PTPRD: variants seen among roughly 807,000 people sequenced by gnomAD.
PTPRD encodes the protein protein tyrosine phosphatase receptor type D, also known as receptor-type tyrosine-protein phosphatase delta.
A neutral mutation model predicts 214.5 loss-of-function variants in PTPRD; 34 were observed. That is an observed-to-expected ratio of 0.16 (90% confidence interval 0.12 to 0.21). The LOEUF (loss-of-function observed/expected upper bound fraction) is 0.21. Among genes scored for constraint, PTPRD ranks in the 10% least tolerant of loss-of-function variants. The pLI is 1.00. For synonymous variants in PTPRD, 1,128 were observed against 845.7 expected, an observed-to-expected ratio of 1.33 and a Z score of -5.79; for missense variants, 2,545 against 2,398.7, an observed-to-expected ratio of 1.06 and a Z score of -1.27.
intron 5 of PTPRD, among the ~76,000 whole-genome samples, chr9:9,866,773 A>G (rs963122546): frequency 1.3e-5 from 2 of 152,114 alleles, no homozygotes; most frequent in African/African-American, 4.8e-5. Context: ...AATATGTTAT[A>G]TTTATAAAAT....
In PTPRD at chr9:10,501,095, GT is replaced by G. The variant is rs36072042; in HGVS notation, c.-600+111302del. Among the ~76,000 whole-genome samples the G allele has an allele frequency of 7.9e-5, 12 of 151,872 alleles. No individual in the cohort carries two copies. In the South Asian group the frequency reaches 2.3e-3, roughly 29 times the overall value. On this transcript the variant is annotated intron_variant, in intron 2 of 45. Coordinates refer to ENST00000381196, the MANE Select transcript of PTPRD (RefSeq NM_002839.4). ...GTATCTTATGGTAGCTCTATTTTTA[GT>G]TTTTTTGAGGAACTTCCAAATTGTT... is the stretch of plus-strand genomic sequence containing the variant.
chr9:9,228,574 T>C (rs776424426), intron 9 of PTPRD, among the ~76,000 whole-genome samples: 26 of 152,052 alleles, frequency 1.7e-4, no homozygotes, highest in Non-Finnish European at 3.2e-4. Context: ...ACATGGACTT[T>C]AGGGTAAACA....
At chr9:8,318,093 G>T in intron 45 of PTPRD, 151 bp from the exon 46 acceptor site, 37 of 614,562 alleles carry the variant, frequency 6.0e-5, no homozygotes, top group East Asian at 1.3e-4. Context: ...ATGACCAATT[G>T]TTTATAGTGA....
At chr9:9,500,577 G>T (rs1589986818) in intron 8 of PTPRD, among the ~76,000 whole-genome samples, 2 of 150,980 alleles carry the variant, frequency 1.3e-5, no homozygotes, top group East Asian at 3.9e-4. Flanking sequence ...TTGAGAGTGG[G>T]TTCCCTGTGG....
chr9:9,902,081 C>G (rs1172501477), intron 5 of PTPRD, among the ~76,000 whole-genome samples: 1 of 152,122 alleles, frequency 6.6e-6, no homozygotes, highest in African/African-American at 2.4e-5. Context: ...GCTGCTTCTA[C>G]TCTTACCAAC....
intron 7 of PTPRD, among the ~76,000 whole-genome samples, chr9:9,589,486 G>C (rs1479440120): frequency 2.6e-5 from 4 of 151,886 alleles, no homozygotes; most frequent in African/African-American, 9.7e-5. Flanking sequence ...TGATTCCTCA[G>C]TAAGACCATG....
intron 11 of PTPRD, among the ~76,000 whole-genome samples, chr9:8,845,167 G>GA (rs779256297): frequency 0.044 from 3,739 of 84,556 alleles, 169 homozygotes; most frequent in African/African-American, 0.18. Context: ...ATCCTTGCAG[G>GA]AAAAAAAAAC....
At chr9:9,185,469 G>A (rs2099930797) in intron 9 of PTPRD, among the ~76,000 whole-genome samples, 1 of 151,942 alleles carries the variant, frequency 6.6e-6, no homozygotes, top group African/African-American at 2.4e-5. Context: ...CTTTACTATT[G>A]TCCACTTGCT....
At chr9:8,698,959 A>C (rs865954855) in intron 12 of PTPRD, among the ~76,000 whole-genome samples, 1 of 152,018 alleles carries the variant, frequency 6.6e-6, no homozygotes, top group African/African-American at 2.4e-5. Context: ...TATTAGAAGC[A>C]CTCTCCAGCC....
intron 11 of PTPRD, among the ~76,000 whole-genome samples, chr9:9,007,191 G>A: frequency 6.6e-6 from 1 of 151,868 alleles, no homozygotes; most frequent in East Asian, 1.9e-4. Flanking sequence ...AGAGGTATAT[G>A]TAGAAATATA....
chr9:8,552,808 G>C (rs2082497641), intron 14 of PTPRD, among the ~76,000 whole-genome samples: 1 of 152,114 alleles, frequency 6.6e-6, no homozygotes, highest in Admixed American at 6.6e-5. Context: ...TTTGACAATG[G>C]GGCATTAGTA....
At chr9:8,789,637 A>C (rs542071677) in intron 11 of PTPRD, among the ~76,000 whole-genome samples, 8 of 152,256 alleles carry the variant, frequency 5.3e-5, no homozygotes, top group African/African-American at 1.4e-4. Context: ...ACAGTAGAGC[A>C]ATTTTTTAAA....
intron 39 of PTPRD, among the ~76,000 whole-genome samples, chr9:8,375,143 A>C (rs1049404534): frequency 2.6e-5 from 4 of 151,996 alleles, no homozygotes; most frequent in African/African-American, 9.7e-5. Context: ...TGCACTATAC[A>C]TTTATATAGT....
intron 5 of PTPRD, among the ~76,000 whole-genome samples, chr9:9,868,737 G>A (rs1247533507): frequency 6.6e-6 from 1 of 151,866 alleles, no homozygotes; most frequent in African/African-American, 2.4e-5. Flanking sequence ...CTGGAACAAA[G>A]AAAAATGAAA....
At chr9:9,843,463 C>A (rs542606242) in intron 5 of PTPRD, among the ~76,000 whole-genome samples, 2 of 151,742 alleles carry the variant, frequency 1.3e-5, no homozygotes, top group East Asian at 3.9e-4. Flanking sequence ...ATACTCTAAA[C>A]CTTAGTTTAC....
intron 3 of PTPRD, among the ~76,000 whole-genome samples, chr9:10,034,439 T>G (rs2154135011): frequency 6.7e-6 from 1 of 149,032 alleles, no homozygotes. Context: ...TTTAAGAACT[T>G]TTAAGTTCAG....
chr9:10,182,680 T>G (rs966782126), intron 3 of PTPRD, among the ~76,000 whole-genome samples: 1 of 152,174 alleles, frequency 6.6e-6, no homozygotes, highest in Middle Eastern at 3.2e-3. Context: ...TGATTTCACT[T>G]TATAAACAGT....
intron 11 of PTPRD, among the ~76,000 whole-genome samples, chr9:8,807,856 C>T (rs932701081): frequency 6.6e-6 from 1 of 151,990 alleles, no homozygotes; most frequent in African/African-American, 2.4e-5. Flanking sequence ...TGAAGGTGGG[C>T]AACAGTGGTA....
At chr9:8,574,092 G>A (rs1353659354) in intron 14 of PTPRD, among the ~76,000 whole-genome samples, 1 of 151,770 alleles carries the variant, frequency 6.6e-6, no homozygotes, top group Non-Finnish European at 1.5e-5. Flanking sequence ...CAACTCCTGT[G>A]CAAACCTATT....
Sources: allele counts gnomAD v4.1 joint callset (sites outside exome capture counted in the v4.1 genomes callset), GRCh38; gene constraint gnomAD v4.1.1; transcripts MANE v1.5; gene names NCBI Gene and HGNC (gene_info 2026-07-23, HGNC 2026-07-21).